The following TTC28 variants were observed in gnomAD, a reference collection of about 807,000 sequenced individuals.
TTC28 encodes the protein tetratricopeptide repeat protein 28.
Under a neutral mutation model 198.0 loss-of-function variants are expected in TTC28, and 61 were observed. The observed-to-expected ratio is 0.31, with a 90% CI of 0.25 to 0.38. The LOEUF (loss-of-function observed/expected upper bound fraction) is 0.38. Among genes scored for constraint, TTC28 ranks in the 10% least tolerant of loss-of-function variants. The pLI, the probability that TTC28 is intolerant of heterozygous loss-of-function variation, is 1.00. For synonymous variants in TTC28, 1,171 were observed against 1,297.8 expected (o/e 0.90, Z 2.10); for missense variants, 2,678 against 3,164.0 (o/e 0.85, Z 3.69).
intron 2 of TTC28, among the ~76,000 whole-genome samples, chr22:28,467,517 C>G (rs1011846397): frequency 6.6e-6 from 1 of 152,114 alleles, no homozygotes; most frequent in African/African-American, 2.4e-5. Flanking sequence ...TCATGTGAGC[C>G]TATTCAGTGA....
intron 6 of TTC28, among the ~76,000 whole-genome samples, chr22:28,142,826 C>A (rs1943372759): frequency 6.6e-6 from 1 of 152,194 alleles, no homozygotes; most frequent in Non-Finnish European, 1.5e-5. Context: ...AATAGGCATA[C>A]TGTCATTCAT....
intron 2 of TTC28, among the ~76,000 whole-genome samples, chr22:28,628,123 G>A (rs562859740): frequency 6.6e-6 from 1 of 151,182 alleles, no homozygotes; most frequent in Admixed American, 6.6e-5. Flanking sequence ...CTCAAACCTG[G>A]GGGCTCAAGG....
At chr22:28,181,983 G>C (rs1208243017) in intron 5 of TTC28, among the ~76,000 whole-genome samples, 1 of 152,202 alleles carries the variant, frequency 6.6e-6, no homozygotes, top group South Asian at 2.1e-4. Context: ...AGACTTCATA[G>C]TTCTATTAGG....
At position 28,357,324 on chromosome 22, in the gene TTC28, T is replaced by TA. The variant is rs1398105126; in HGVS notation, c.382-50682_382-50681insT. 1.2e-4 allele frequency among the ~76,000 whole-genome samples: 18 copies of TA among 147,634 alleles called. 1 individual carries two copies. The highest frequency in any genetic ancestry group is 1.2e-3 in the Admixed American group (18 of 14,892). On this transcript the variant is annotated intron_variant, in intron 2 of 22. Transcript: ENST00000397906. Reference sequence around the variant, plus strand: ...TTTTATCAAATTTCTTATTTTTTTTTTTTTTTTTTTTTGAGACAGAGCCTC... The same window carrying TA: ...TTTTATCAAATTTCTTATTTTTTTTTATTTTTTTTTTTTGAGACAGAGCCTC...
chr22:28,423,756 A>G (rs1601379664), intron 2 of TTC28, among the ~76,000 whole-genome samples: 1 of 152,224 alleles, frequency 6.6e-6, no homozygotes, highest in Admixed American at 6.5e-5. Flanking sequence ...AGCAGGCAGA[A>G]GTTGGATTAC....
intron 2 of TTC28, among the ~76,000 whole-genome samples, chr22:28,347,869 C>T (rs992977427): frequency 6.6e-6 from 1 of 152,170 alleles, no homozygotes; most frequent in Non-Finnish European, 1.5e-5. Flanking sequence ...AGTGAGACTC[C>T]GTCTGAAAAG....
intron 5 of TTC28, among the ~76,000 whole-genome samples, chr22:28,193,213 A>G (rs556448125): frequency 2.6e-5 from 4 of 152,176 alleles, no homozygotes; most frequent in Non-Finnish European, 5.9e-5. Context: ...GAGAAATAAA[A>G]TCCTTTACAG....
Position 28,163,180 on chromosome 22 carries a change from C to T in TTC28, c.1353G>A (p.Glu451=). The change falls in exon 6 of 23, where the codon GAG becomes GAA. Residue 451 remains glutamate, a synonymous_variant. Transcript: ENST00000397906. ...GHAARCMQDL[E]RAKQYHEQQL... The stretch of plus-strand genomic sequence containing the variant: ...GCTGCTCATGGTATTGTTTAGCTCT[C>T]TCCAAATCCTGCATGCACCTGGCAG... 1.3e-6 allele frequency: 2 copies of T among 1,551,756 alleles called. No homozygotes were observed. The highest frequency in any genetic ancestry group is 1.7e-6 in the Non-Finnish European group (2 of 1,147,026).
At chr22:28,258,041 C>T (rs1931079365) in intron 5 of TTC28, among the ~76,000 whole-genome samples, 1 of 151,862 alleles carries the variant, frequency 6.6e-6, no homozygotes, top group South Asian at 2.1e-4. Context: ...TTTGTCAGTC[C>T]TCCTGTCTTC....
intron 2 of TTC28, among the ~76,000 whole-genome samples, chr22:28,558,696 A>G (rs2049823361): frequency 6.7e-6 from 1 of 150,150 alleles, no homozygotes; most frequent in South Asian, 2.1e-4. Context: ...AAAAGAAAAA[A>G]AGATATATTG....
intron 6 of TTC28, among the ~76,000 whole-genome samples, chr22:28,133,697 A>G (rs1323069396): frequency 6.6e-6 from 1 of 152,222 alleles, no homozygotes; most frequent in Non-Finnish European, 1.5e-5. Flanking sequence ...TTGAGTAGGT[A>G]AACAAAGTGG....
chr22:28,290,944 C>A (rs1262769838), intron 5 of TTC28, among the ~76,000 whole-genome samples: 2 of 151,988 alleles, frequency 1.3e-5, no homozygotes, highest in Non-Finnish European at 2.9e-5. Context: ...AAAAATATCT[C>A]ATTTCCAATA....
At chr22:28,665,445 G>A (rs1203434740) in intron 1 of TTC28, among the ~76,000 whole-genome samples, 1 of 17,964 alleles carries the variant, frequency 5.6e-5, no homozygotes, top group African/African-American at 2.2e-4. Context: ...ATAAAAGGAT[G>A]GAGGAAGATC....
At chr22:28,460,673 A>G (rs1049338282) in intron 2 of TTC28, among the ~76,000 whole-genome samples, 1 of 150,904 alleles carries the variant, frequency 6.6e-6, no homozygotes, top group East Asian at 1.9e-4. Flanking sequence ...ATAGACAGAC[A>G]GACAGATAGA....
At chr22:28,144,274 AC>A (rs1191315081) in intron 6 of TTC28, among the ~76,000 whole-genome samples, 2 of 152,184 alleles carry the variant, frequency 1.3e-5, no homozygotes, top group Non-Finnish European at 2.9e-5. Context: ...CCTGTCTAAT[AC>A]CAAGGCTCAG....
intron 6 of TTC28, among the ~76,000 whole-genome samples, chr22:28,158,987 T>C (rs935067803): frequency 5.9e-5 from 9 of 152,094 alleles, no homozygotes; most frequent in African/African-American, 1.9e-4. Flanking sequence ...ACCCACAGAA[T>C]GGGAGAAAAT....
At chr22:28,351,908 C>T (rs1744896798) in intron 2 of TTC28, among the ~76,000 whole-genome samples, 1 of 152,138 alleles carries the variant, frequency 6.6e-6, no homozygotes, top group Admixed American at 6.5e-5. Context: ...CTGATTCTGT[C>T]TAAGAATATC....
intron 5 of TTC28, among the ~76,000 whole-genome samples, chr22:28,166,992 GAC>G (rs1305387882): frequency 6.6e-6 from 1 of 152,030 alleles, no homozygotes; most frequent in African/African-American, 2.4e-5. Context: ...AAGGGGATAT[GAC>G]CACCGATTCC....
Position 27,998,529 on chromosome 22 carries a change from C to T in TTC28, c.5119+11G>A, listed in dbSNP as rs572705226. The T allele has an allele frequency of 3.0e-5, 46 of 1,544,070 alleles. No individual in the cohort carries two copies. The South Asian group carries it at 4.4e-4, about 15-fold the overall frequency. On this transcript the variant is annotated intron_variant, in intron 16 of 22. Transcript: ENST00000397906. ...GCCTTGACAGGCACCCGCAGCCAGC[C>T]GAACTCCCACCTGCCCAGTTGGAGG... is the stretch of plus-strand genomic sequence containing the variant.
Sources: allele counts gnomAD v4.1 joint callset (sites outside exome capture counted in the v4.1 genomes callset), GRCh38; gene constraint gnomAD v4.1.1; transcripts MANE v1.5; gene names NCBI Gene and HGNC (gene_info 2026-07-23, HGNC 2026-07-21).